MYH13: variants seen among roughly 807,000 people sequenced by gnomAD.
The protein encoded by MYH13 is myosin heavy chain 13.
In MYH13, 177 loss-of-function variants were observed where a neutral mutation model predicts 232.1. The observed-to-expected ratio is 0.76, with a 90% CI of 0.67 to 0.86. The LOEUF (loss-of-function observed/expected upper bound fraction) is 0.86. Among genes scored for constraint, MYH13 ranks in the 40% least tolerant of loss-of-function variants. The pLI is 0.00. For synonymous variants in MYH13, 884 were observed against 923.5 expected (o/e 0.96, Z 0.78); for missense variants, 2,246 against 2,405.9 (o/e 0.93, Z 1.39).
rs116116539 is a variant in MYH13 at position 10,339,993 on chromosome 17, T to C, written c.2056+157A>G. On this transcript the variant is annotated intron_variant, in intron 18 of 40. Transcript: ENST00000252172. The stretch of plus-strand genomic sequence containing the variant: ...ATTTCTTTGTGTTGGGTACATCCGG[T>C]ATTTTTATCTGCTAAATCTGGCAAC... Among the ~76,000 whole-genome samples the C allele has an allele frequency of 3.1e-3, 465 of 152,324 alleles. 3 individuals carry two copies. The highest frequency in any genetic ancestry group is 0.01 in the African/African-American group (433 of 41,572).
chr17:10,355,356 T>C (rs1485455573), intron 8 of MYH13, among the ~76,000 whole-genome samples: 1 of 152,210 alleles, frequency 6.6e-6, no homozygotes. Context: ...GTGCTGATTC[T>C]CTGAGCCCTT....
chr17:10,305,428 A>G (rs9908029), intron 37 of MYH13, among the ~76,000 whole-genome samples: 21,625 of 152,220 alleles, frequency 0.14, 1,596 homozygotes, highest in Middle Eastern at 0.18. Context: ...CAAAAAGTCT[A>G]TGGCCTTGTT....
Position 10,371,234 on chromosome 17 carries a change from G to C in MYH13, c.-38C>G, listed in dbSNP as rs528610156. On this transcript the variant is annotated 5_prime_UTR_variant, in exon 2 of 41. Transcript: ENST00000252172. ...CTTCTTGGTTCCCAAGTGACAGTCA[G>C]TGTCCTTCAGGAATAAAGCGTCTTC... 6.6e-6 allele frequency: 1 copy of C among 152,148 alleles called. No homozygotes were observed. The highest frequency in any genetic ancestry group is 2.1e-4 in the South Asian group (1 of 4,816). 9.4% of individuals were successfully genotyped at this position (152,148 alleles called of 1,614,324 possible).
At chr17:10,329,215 G>C (rs902213396) in intron 21 of MYH13, among the ~76,000 whole-genome samples, 1 of 152,098 alleles carries the variant, frequency 6.6e-6, no homozygotes, top group African/African-American at 2.4e-5. Context: ...CTGACAGTTA[G>C]AGCCACACAG....
At chr17:10,301,079 A>T in intron 40 of MYH13, 114 bp from the exon 41 acceptor site, 1 of 966,546 alleles carries the variant, frequency 1.0e-6, no homozygotes, top group South Asian at 1.4e-5. Context: ...AATATTAAGG[A>T]ATGGCGTTGT....
intron 22 of MYH13, 78 bp from the exon 23 acceptor site, chr17:10,324,342 GCTTATT>G: frequency 6.4e-7 from 1 of 1,557,652 alleles, no homozygotes; most frequent in Admixed American, 1.8e-5. Flanking sequence ...CCCTCTAAAA[GCTTATT>G]ATCTACACCT....
At chr17:10,339,888 C>T (rs1459602054) in intron 18 of MYH13, among the ~76,000 whole-genome samples, 1 of 152,142 alleles carries the variant, frequency 6.6e-6, no homozygotes, top group East Asian at 1.9e-4. Context: ...ATGGGGTACA[C>T]ATGATATTTT....
At chr17:10,319,508 C>CAAAAAAA (rs757587723) in intron 26 of MYH13, among the ~76,000 whole-genome samples, 1 of 61,530 alleles carries the variant, frequency 1.6e-5, no homozygotes, top group East Asian at 3.2e-4. Flanking sequence ...GACTCGGTCT[C>CAAAAAAA]AAAAAAAAAA....
rs376331966 is a variant in MYH13 at position 10,307,040 on chromosome 17, T to C, written c.5194A>G (p.Lys1732Glu). 90 of 1,613,884 alleles carry C rather than the reference T, an allele frequency of 5.6e-5. No homozygotes were observed. The highest frequency in any genetic ancestry group is 6.8e-5 in the Non-Finnish European group (80 of 1,179,896). Residue 1732 changes from lysine (K) to glutamate (E), a missense_variant, in exon 36 of 41, where the codon AAA becomes GAA. Coordinates refer to ENST00000252172, the MANE Select transcript of MYH13 (RefSeq NM_003802.3). The part of the protein sequence containing the change: ...SQNTSLINTK[K>E]KLEADIAQCQ... ...TGAGCTATGTCAGCCTCCAGTTTTT[T>C]CTTGGTATTTATCAGGCTTGTGTTC...
chr17:10,357,889 A>G, intron 7 of MYH13, 62 bp from the exon 8 acceptor site: 1 of 1,468,650 alleles, frequency 6.8e-7, no homozygotes, highest in Non-Finnish European at 9.5e-7. Context: ...TAGCCCCTTG[A>G]TGACTAAAAC....
intron 23 of MYH13, 109 bp from the exon 24 acceptor site, chr17:10,321,817 G>A: frequency 9.9e-7 from 1 of 1,009,074 alleles, no homozygotes; most frequent in Non-Finnish European, 1.4e-6. Flanking sequence ...TTTTCTTTTT[G>A]GCTACTACTT....
rs752345054 is a variant in MYH13, at chr17:10,357,762, A to G, written c.711T>C (p.Thr237=). Residue 237 remains threonine (T), a synonymous_variant, in exon 8 of 41, where the codon ACT becomes ACC. Coordinates refer to ENST00000252172, the MANE Select transcript of MYH13 (RefSeq NM_003802.3). Reference sequence around the variant, plus strand: ...ATCTTGAGGAGTTGTCATTCCTCACAGTCTTGGCATTTCCAAAGGCCTCCA... The same window carrying G: ...ATCTTGAGGAGTTGTCATTCCTCACGGTCTTGGCATTTCCAAAGGCCTCCA... ...PLLEAFGNAK[T]VRNDNSSRFG... The G allele has an allele frequency of 6.2e-7, 1 of 1,613,968 alleles. No homozygotes were observed. The highest frequency in any genetic ancestry group is 8.5e-7 in the Non-Finnish European group (1 of 1,179,900).
intron 16 of MYH13, 79 bp downstream of exon 16, chr17:10,343,721 T>C: frequency 7.0e-7 from 1 of 1,419,258 alleles, no homozygotes; most frequent in Non-Finnish European, 9.4e-7. Flanking sequence ...GTCTGATTAC[T>C]GGTTCTTCAC....
chr17:10,323,226 T>C (rs1465294762), intron 23 of MYH13, among the ~76,000 whole-genome samples: 1 of 152,162 alleles, frequency 6.6e-6, no homozygotes, highest in African/African-American at 2.4e-5. Context: ...ATTCTTAATT[T>C]GACTGAGTAA....
Position 10,319,120 on chromosome 17 carries a change from AATCTTG to A in MYH13, c.3402_3407del (p.Lys1135_Ile1136del). 1.2e-6 allele frequency: 2 copies of A among 1,613,884 alleles called. No individual in the cohort carries two copies. Among genetic ancestry groups the A allele is most frequent in the Non-Finnish European group, 1.7e-6 (2 of 1,179,996 alleles). On this transcript the variant is annotated inframe_deletion, in exon 27 of 41. Transcript: ENST00000252172. ...TGGCCAGATCTGAGCGCTGCTTCTCAATCTTGGCTCTGAGCGTGTGTTCCGCTTCAA... is the reference window on the plus strand; with the variant it reads ...TGGCCAGATCTGAGCGCTGCTTCTCAGCTCTGAGCGTGTGTTCCGCTTCAA...
chr17:10,364,228 C>A, intron 3 of MYH13, 99 bp downstream of exon 3: 1 of 1,273,000 alleles, frequency 7.9e-7, no homozygotes. Context: ...TTTGTTCTGT[C>A]TTCAGATTCC....
chr17:10,322,408 C>CAGAA (rs936383293), intron 23 of MYH13, among the ~76,000 whole-genome samples: 7 of 152,032 alleles, frequency 4.6e-5, no homozygotes, highest in Middle Eastern at 3.4e-3. Context: ...AAAATAAAGA[C>CAGAA]AGAAAGAAAG....
intron 23 of MYH13, 71 bp from the exon 24 acceptor site, chr17:10,321,779 G>T (rs996988190): frequency 7.3e-6 from 10 of 1,377,966 alleles, no homozygotes; most frequent in East Asian, 4.6e-5. Flanking sequence ...AAAAGCTATT[G>T]CTTCTTTGCT....
chr17:10,335,550 C>T (rs753739443), intron 18 of MYH13, among the ~76,000 whole-genome samples: 25 of 152,192 alleles, frequency 1.6e-4, no homozygotes, highest in Non-Finnish European at 2.9e-4. Flanking sequence ...GTCAGGAGTT[C>T]GAGACCACCC....
Sources: gnomAD v4.1 joint callset for allele counts (sites outside exome capture counted in the v4.1 genomes callset) on GRCh38, gnomAD v4.1.1 for gene constraint, MANE v1.5 for transcripts, NCBI Gene and HGNC (gene_info 2026-07-23, HGNC 2026-07-21) for gene names.